The following KIAA0232 variants were observed in gnomAD, a reference collection of about 807,000 sequenced individuals.
KIAA0232 encodes the protein uncharacterized protein KIAA0232.
In KIAA0232, 27 loss-of-function variants were observed where a neutral mutation model predicts 122.0. The observed-to-expected ratio is 0.22, with a 90% CI of 0.16 to 0.31. The LOEUF (loss-of-function observed/expected upper bound fraction) is 0.31. Ranked by LOEUF, KIAA0232 falls within the 10% of genes least tolerant of loss-of-function variation. KIAA0232 has a pLI of 1.00. For missense variants in KIAA0232, 1,551 were observed against 1,634.2 expected (o/e 0.95, Z 0.88); for synonymous variants, 613 against 587.6 (o/e 1.04, Z -0.63).
intron 1 of KIAA0232, among the ~76,000 whole-genome samples, chr4:6,795,289 A>T (rs1463412756): frequency 1.3e-5 from 2 of 151,990 alleles, no homozygotes; most frequent in Admixed American, 1.3e-4. Context: ...AGCCAGGATG[A>T]TCTCGATCTC....
At chr4:6,871,844 T>C (rs1577417830) in intron 8 of KIAA0232, among the ~76,000 whole-genome samples, 162 bp downstream of exon 8, 1 of 152,200 alleles carries the variant, frequency 6.6e-6, no homozygotes, top group South Asian at 2.1e-4. Context: ...GAATGAGAAC[T>C]GGGCCCTGCT....
rs181164051 is a variant in KIAA0232 at position 6,841,926 on chromosome 4, C to T, written c.232-141C>T. 5.7e-3 allele frequency: 5,180 copies of T among 904,794 alleles called. 39 individuals carry two copies. The highest frequency in any genetic ancestry group is 0.011 in the Middle Eastern group (41 of 3,864). The allele number at this position is 904,794 out of a possible 1,614,324, so 56.0% of individuals were successfully genotyped here. A position where few individuals can be genotyped will look rare whatever the true frequency, so the allele number is the denominator to read the frequency against. On this transcript the variant is annotated intron_variant, in intron 3 of 9. Coordinates refer to ENST00000307659, the MANE Select transcript of KIAA0232 (RefSeq NM_014743.3). Reference sequence around the variant, plus strand: ...TCCGTCTTGGAATGCCAGCTCCCTTCGTCGCAGAAATAGACAAGCCGATCC... The same window carrying T: ...TCCGTCTTGGAATGCCAGCTCCCTTTGTCGCAGAAATAGACAAGCCGATCC...
At position 6,861,436 on chromosome 4, in the gene KIAA0232, A is replaced by G; in HGVS notation, c.1054A>G (p.Ser352Gly). 1 of 1,614,220 alleles carries G rather than the reference A, an allele frequency of 6.2e-7. No homozygotes were observed. The highest frequency in any genetic ancestry group is 8.5e-7 in the Non-Finnish European group (1 of 1,180,034). ...AERNIHTGSS[S>G]SSSSGSVKQL... Reference sequence around the variant, plus strand: ...AAGGAACATTCATACTGGAAGTAGTAGCAGTAGCAGCAGTGGTTCTGTCAA... The same window carrying G: ...AAGGAACATTCATACTGGAAGTAGTGGCAGTAGCAGCAGTGGTTCTGTCAA... The change falls in exon 7 of 10, where the codon AGC (serine) becomes GGC (glycine). Residue 352 changes from serine (S) to glycine (G), a missense_variant. Around this residue, in one of 5 missense-constraint regions of KIAA0232, gnomAD observed 377 missense variants for 381.7 expected, o/e 0.99. Transcript: ENST00000307659.
chr4:6,784,979 G>A (rs558265002), intron 1 of KIAA0232, among the ~76,000 whole-genome samples: 1 of 140,108 alleles, frequency 7.1e-6, no homozygotes, highest in Non-Finnish European at 1.5e-5. Flanking sequence ...TCGCTCTGCC[G>A]CCCAGGCTGG....
At chr4:6,841,412 A>G (rs1210216070) in intron 3 of KIAA0232, among the ~76,000 whole-genome samples, 1 of 152,256 alleles carries the variant, frequency 6.6e-6, no homozygotes, top group African/African-American at 2.4e-5. Flanking sequence ...CTAGAAGGCA[A>G]ATATCAAGAT....
intron 1 of KIAA0232, among the ~76,000 whole-genome samples, chr4:6,789,683 A>G (rs534381879): frequency 6.6e-6 from 1 of 152,308 alleles, no homozygotes; most frequent in East Asian, 1.9e-4. Flanking sequence ...TATTCTGAAG[A>G]CAGGCAAACC....
rs914595317 is a variant in KIAA0232 at position 6,855,447 on chromosome 4, G to A, written c.370-1717G>A. Among the ~76,000 whole-genome samples the A allele has an allele frequency of 6.6e-6, 1 of 151,982 alleles. No homozygotes were observed. Among genetic ancestry groups the A allele is most frequent in the Non-Finnish European group, 1.5e-5 (1 of 68,002 alleles). ...AGTCAAGAAAAGAACAGAAAAACCT[G>A]GTTGGTAGAGCTTGCTTTTACACAG... On this transcript the variant is annotated intron_variant, in intron 4 of 9. Coordinates refer to ENST00000307659, the MANE Select transcript of KIAA0232 (RefSeq NM_014743.3). The surrounding 1 kb of genome is among the most constrained non-coding windows in gnomAD (Gnocchi z 4.3).
rs763291782 is a variant in KIAA0232, at chr4:6,863,337, G to A, written c.2955G>A (p.Gly985=). ...CCCCAGGAAACAGTTTTGCTCCTGG[G>A]CACAGGCAGTTATGGAAACCCTTCG... ...FMTPGNSFAP[G]HRQLWKPFVS... The change falls in exon 7 of 10, where the codon GGG becomes GGA. Residue 985 remains glycine (G), a synonymous_variant. Transcript: ENST00000307659. 2 of 1,614,144 alleles carry A rather than the reference G, an allele frequency of 1.2e-6. No homozygotes were observed. The highest frequency in any genetic ancestry group is 1.1e-5 in the South Asian group (1 of 91,084).
At chr4:6,865,353 G>A (rs918919100) in intron 7 of KIAA0232, among the ~76,000 whole-genome samples, 1 of 152,192 alleles carries the variant, frequency 6.6e-6, no homozygotes, top group Non-Finnish European at 1.5e-5. Context: ...AGGCTTGAGT[G>A]CAGTGGTGCG....
chr4:6,862,640 A>G lies in KIAA0232; in HGVS notation c.2258A>G (p.Tyr753Cys). ...NYVVPRVSSN[Y>C]VDEELLDFLQ... ...GTAGTTCCTAGAGTCTCGTCAAATT[A>G]TGTAGATGAAGAACTTCTAGATTTT... The change falls in exon 7 of 10, where the codon TAT becomes TGT. Residue 753 changes from tyrosine to cysteine, a missense_variant. By Grantham distance (194) the Tyr-to-Cys change is radical. Coordinates refer to ENST00000307659, the MANE Select transcript of KIAA0232 (RefSeq NM_014743.3). 1 of 1,613,244 alleles carries G rather than the reference A, an allele frequency of 6.2e-7. No individual in the cohort carries two copies. The highest frequency in any genetic ancestry group is 1.1e-5 in the South Asian group (1 of 90,634).
intron 3 of KIAA0232, among the ~76,000 whole-genome samples, chr4:6,832,555 G>T (rs537160589): frequency 2.0e-5 from 3 of 152,132 alleles, no homozygotes; most frequent in African/African-American, 7.2e-5. Flanking sequence ...CACCATGTGG[G>T]CCAGGCTGGT....
At chr4:6,814,243 A>G (rs879327763) in intron 2 of KIAA0232, among the ~76,000 whole-genome samples, 12 of 152,136 alleles carry the variant, frequency 7.9e-5, no homozygotes, top group African/African-American at 2.4e-4. Context: ...CCTCCTTTGC[A>G]CTTAACCACC....
At chr4:6,783,132 C>A (rs555470605) in intron 1 of KIAA0232, among the ~76,000 whole-genome samples, 2 of 150,950 alleles carry the variant, frequency 1.3e-5, no homozygotes, top group African/African-American at 4.9e-5. Context: ...GCCGGGCCGC[C>A]GCTGATGGCT....
At chr4:6,804,703 A>G (rs1253886086) in intron 2 of KIAA0232, 97 bp downstream of exon 2, 1 of 152,224 alleles carries the variant, frequency 6.6e-6, no homozygotes, top group Non-Finnish European at 1.5e-5. Flanking sequence ...AGAATAGTAC[A>G]ATTTATGCAA....
chr4:6,791,803 ATATCAGACATACAGAT>A (rs1288619651), intron 1 of KIAA0232, among the ~76,000 whole-genome samples: 9 of 152,182 alleles, frequency 5.9e-5, no homozygotes, highest in African/African-American at 1.9e-4. Context: ...AATGCTTTCC[ATATCAGACATACAGAT>A]TGATACGGGT....
rs749657450 is a variant in KIAA0232 at position 6,824,516 on chromosome 4, T to A, written c.63T>A (p.Tyr21Ter). 2 of 1,614,110 alleles carry A rather than the reference T, an allele frequency of 1.2e-6. No individual in the cohort carries two copies. The highest frequency in any genetic ancestry group is 2.7e-5 in the African/African-American group (2 of 74,938). ...GLPSESSSSS[Y>*]PGPVSVSEMS... is the part of the protein sequence containing the mutation. ...CATCTGAAAGCTCCTCAAGTTCTTATCCAGGCCCTGTGTCTGTTTCTGAAA... is the reference window on the plus strand; with the variant it reads ...CATCTGAAAGCTCCTCAAGTTCTTAACCAGGCCCTGTGTCTGTTTCTGAAA... The change falls in exon 3 of 10, where the codon TAT (tyrosine) becomes TAA (stop). Residue 21 changes from tyrosine to a stop codon, truncating the protein, a stop_gained. Transcript: ENST00000307659. LOFTEE classifies it high-confidence loss of function.
chr4:6,847,477 AT>A (rs1720028435), intron 4 of KIAA0232, among the ~76,000 whole-genome samples: 1 of 152,210 alleles, frequency 6.6e-6, no homozygotes, highest in African/African-American at 2.4e-5. Flanking sequence ...AATTTTATAC[AT>A]TGATTAAAAT....
chr4:6,790,094 G>A (rs1314141007), intron 1 of KIAA0232, among the ~76,000 whole-genome samples: 1 of 152,146 alleles, frequency 6.6e-6, no homozygotes, highest in Non-Finnish European at 1.5e-5. Context: ...GTTATTTTCA[G>A]GAAAGCGAAT....
At chr4:6,860,249 G>A (rs919803263) in intron 6 of KIAA0232, among the ~76,000 whole-genome samples, 1 of 152,144 alleles carries the variant, frequency 6.6e-6, no homozygotes, top group Admixed American at 6.5e-5. Flanking sequence ...ACCCTGAGAG[G>A]TAAATATTAC....
Sources: gnomAD v4.1 joint callset for allele counts (sites outside exome capture counted in the v4.1 genomes callset) on GRCh38, gnomAD v4.1.1 for gene constraint, gnomAD v4.1.1 regional missense constraint, Gnocchi (gnomAD v3.1) non-coding constraint, MANE v1.5 for transcripts, NCBI Gene and HGNC (gene_info 2026-07-23, HGNC 2026-07-21) for gene names.